The following SMG6 variants were observed in gnomAD, a reference collection of about 807,000 sequenced individuals.
SMG6 encodes telomerase-binding protein EST1A.
In SMG6, 66 loss-of-function variants were observed where a neutral mutation model predicts 142.2. The observed-to-expected ratio is 0.46, with a 90% CI of 0.38 to 0.57. The LOEUF (loss-of-function observed/expected upper bound fraction) is 0.57, where lower values mean the gene tolerates loss of function less well. SMG6 is among the 20% of genes least tolerant of loss of function. The pLI is 0.00. For synonymous variants in SMG6, 779 were observed against 702.4 expected (o/e 1.11, Z -1.72); for missense variants, 1,793 against 1,832.0 (o/e 0.98, Z 0.39).
At chr17:2,147,918 C>T (rs2070716367) in intron 13 of SMG6, among the ~76,000 whole-genome samples, 1 of 152,080 alleles carries the variant, frequency 6.6e-6, no homozygotes, top group Admixed American at 6.5e-5. Flanking sequence ...GATGACCGGG[C>T]ACGGTGCCTC....
In SMG6 at chr17:2,103,183, C is replaced by A. The variant is rs372686943; in HGVS notation, c.3358-17282G>T. 5.3e-5 allele frequency among the ~76,000 whole-genome samples: 8 copies of A among 152,172 alleles called. No individual in the cohort carries two copies. The East Asian group carries it at 9.6e-4, about 18-fold the overall frequency. Reference sequence around the variant, plus strand: ...TGGGATTACTCTCTTTCCATTCTTACAGGTTTCTGTGATTCTGGGCAGTCA... The same window carrying A: ...TGGGATTACTCTCTTTCCATTCTTAAAGGTTTCTGTGATTCTGGGCAGTCA... On this transcript the variant is annotated intron_variant, in intron 13 of 18. Transcript: ENST00000263073.
chr17:2,250,300 T>C (rs1263334545), intron 8 of SMG6, among the ~76,000 whole-genome samples: 2 of 152,194 alleles, frequency 1.3e-5, no homozygotes, highest in East Asian at 3.8e-4. Context: ...TAGTCAGTAT[T>C]AAAGGAATTC....
chr17:2,236,940 G>T (rs558724753), intron 9 of SMG6: 3 of 707,352 alleles, frequency 4.2e-6, no homozygotes, highest in Non-Finnish European at 5.4e-6. Flanking sequence ...CAATAACTGT[G>T]TTCAAGCTAA....
intron 13 of SMG6, among the ~76,000 whole-genome samples, chr17:2,143,380 T>C: frequency 6.6e-6 from 1 of 152,214 alleles, no homozygotes; most frequent in African/African-American, 2.4e-5. Flanking sequence ...TACCATATAA[T>C]GGAATATGAT....
At chr17:2,262,833 C>T (rs908834771) in intron 8 of SMG6, among the ~76,000 whole-genome samples, 4 of 152,088 alleles carry the variant, frequency 2.6e-5, no homozygotes, top group African/African-American at 9.7e-5. Flanking sequence ...TAAAGGTGCT[C>T]CATGAATATT....
chr17:2,239,257 C>T (rs1286330320), intron 9 of SMG6, among the ~76,000 whole-genome samples: 1 of 152,130 alleles, frequency 6.6e-6, no homozygotes, highest in Admixed American at 6.6e-5. Context: ...AGAAATTTTA[C>T]TCTTAGTTTT....
intron 10 of SMG6, among the ~76,000 whole-genome samples, chr17:2,220,708 A>G (rs1212759240): frequency 1.3e-5 from 2 of 152,252 alleles, no homozygotes; most frequent in Non-Finnish European, 2.9e-5. Context: ...TGCCATTACT[A>G]TTATTTGTAT....
At chr17:2,244,983 G>A (rs914828365) in intron 8 of SMG6, 23 of 485,796 alleles carry the variant, frequency 4.7e-5, no homozygotes, top group Non-Finnish European at 8.2e-5. Flanking sequence ...GGGATGAGGC[G>A]GTGAATCCTA....
chr17:2,230,141 G>A (rs1281912066), intron 10 of SMG6, among the ~76,000 whole-genome samples: 5 of 125,726 alleles, frequency 4.0e-5, no homozygotes, highest in Admixed American at 1.9e-4. Flanking sequence ...AGCTGAGATC[G>A]TGCCACTGCA....
intron 15 of SMG6, among the ~76,000 whole-genome samples, chr17:2,081,446 A>G (rs934544570): frequency 9.2e-5 from 14 of 152,188 alleles, no homozygotes; most frequent in Non-Finnish European, 2.1e-4. Context: ...GTTCTGAAGT[A>G]AGAATCCACA....
chr17:2,110,999 T>G (rs2069299555), intron 13 of SMG6, among the ~76,000 whole-genome samples: 2 of 152,186 alleles, frequency 1.3e-5, no homozygotes, highest in African/African-American at 4.8e-5. Flanking sequence ...CCAGTTTCCT[T>G]ATCAGAGGAG....
At chr17:2,141,060 G>A (rs1324939314) in intron 13 of SMG6, among the ~76,000 whole-genome samples, 1 of 152,196 alleles carries the variant, frequency 6.6e-6, no homozygotes, top group African/African-American at 2.4e-5. Context: ...GTTTAATACA[G>A]TAGCCACTAG....
intron 15 of SMG6, among the ~76,000 whole-genome samples, chr17:2,078,381 C>CTTT (rs879468646): frequency 7.0e-6 from 1 of 143,542 alleles, no homozygotes. Context: ...TCACTGAATA[C>CTTT]TTTTTTTTTT....
intron 6 of SMG6, among the ~76,000 whole-genome samples, chr17:2,291,917 T>C (rs1440449399): frequency 6.6e-6 from 1 of 151,714 alleles, no homozygotes; most frequent in Non-Finnish European, 1.5e-5. Context: ...TATTTGTTTC[T>C]TACGATGGAA....
chr17:2,288,951 C>T (rs1015390884), intron 6 of SMG6, among the ~76,000 whole-genome samples: 7 of 151,520 alleles, frequency 4.6e-5, no homozygotes, highest in African/African-American at 7.3e-5. Flanking sequence ...TGGTGGAGGG[C>T]GCCTGTAGTC....
intron 13 of SMG6, among the ~76,000 whole-genome samples, chr17:2,161,918 T>C (rs1207073119): frequency 2.6e-5 from 4 of 152,188 alleles, no homozygotes; most frequent in Non-Finnish European, 5.9e-5. Context: ...TGAGTCCCTT[T>C]AAATATCTAT....
chr17:2,230,330 AAAAAAAG>A (rs544073822), intron 10 of SMG6, among the ~76,000 whole-genome samples: 10,766 of 51,662 alleles, frequency 0.21, 2,144 homozygotes, highest in Admixed American at 0.27. Flanking sequence ...AAAAAAAAAA[AAAAAAAG>A]GGAAAACCAC....
Position 2,303,534 on chromosome 17 carries a change from G to A in SMG6, c.88+99C>T, listed in dbSNP as rs1418035016. 12 of 1,338,650 alleles carry A rather than the reference G, an allele frequency of 9.0e-6. No individual in the cohort carries two copies. In the South Asian group the frequency reaches 1.1e-4, roughly 12 times the overall value. 82.9% of individuals were successfully genotyped at this position (1,338,650 alleles called of 1,614,324 possible). ...CGCCTACTGCTGGGGGAAGGGGCGG[G>A]GGCTCCGGAGCCGAGGGCCGAGCGG... On this transcript the variant is annotated intron_variant, in intron 1 of 18. Transcript: ENST00000263073.
At chr17:2,244,038 A>G (rs2073873370) in intron 9 of SMG6, among the ~76,000 whole-genome samples, 1 of 152,182 alleles carries the variant, frequency 6.6e-6, no homozygotes, top group Non-Finnish European at 1.5e-5. Context: ...GAATAAAGGA[A>G]TACTCAAAAC....
Sources: gnomAD v4.1 joint callset for allele counts (sites outside exome capture counted in the v4.1 genomes callset) on GRCh38, gnomAD v4.1.1 for gene constraint, MANE v1.5 for transcripts, NCBI Gene and HGNC (gene_info 2026-07-23, HGNC 2026-07-21) for gene names.